ARHGEF1: variants seen among roughly 807,000 people sequenced by gnomAD.
ARHGEF1 encodes the protein 115 kDa guanine nucleotide exchange factor.
Under a neutral mutation model 119.7 loss-of-function variants are expected in ARHGEF1, and 40 were observed. That is an observed-to-expected ratio of 0.33 (90% CI 0.26 to 0.44). The LOEUF (loss-of-function observed/expected upper bound fraction) is 0.44. Among genes scored for constraint, ARHGEF1 ranks in the 20% least tolerant of loss-of-function variants. The pLI, the probability that ARHGEF1 is intolerant of heterozygous loss-of-function variation, is 1.00. For synonymous variants in ARHGEF1, 494 were observed against 521.0 expected, an observed-to-expected ratio of 0.95 and a Z score of 0.71; for missense variants, 976 against 1,268.3, an observed-to-expected ratio of 0.77 and a Z score of 3.50.
chr19:41,903,045 G>A lies in ARHGEF1; in HGVS notation c.1738+147G>A, dbSNP rs1374538931. 2 of 744,670 alleles carry A rather than the reference G, an allele frequency of 2.7e-6. No homozygotes were observed. Among genetic ancestry groups the A allele is most frequent in the Non-Finnish European group, 4.3e-6 (2 of 468,634 alleles). The allele number at this position is 744,670 out of a possible 1,614,324, so 46.1% of individuals were successfully genotyped here. A position where few individuals can be genotyped will look rare whatever the true frequency, so the allele number is the denominator to read the frequency against. On this transcript the variant is annotated intron_variant, in intron 18 of 28. Transcript: ENST00000354532. This position sits in a 1 kb window ranked among gnomAD's most constrained non-coding sequence, Gnocchi z 4.2. ...CCATCCTCCCACCTCAGCTCCCCAA[G>A]TAGCTGGGACCCCAAGGGCACACCA... is the stretch of plus-strand genomic sequence containing the variant.
intron 18 of ARHGEF1, among the ~76,000 whole-genome samples, chr19:41,914,212 CCT>C (rs1555851552): frequency 6.6e-6 from 1 of 151,428 alleles, no homozygotes; most frequent in Non-Finnish European, 1.5e-5. Flanking sequence ...TCCCAGGCCC[CCT>C]CTGTTCCCAC....
intron 1 of ARHGEF1, among the ~76,000 whole-genome samples, chr19:41,927,483 C>T (rs782206497): frequency 5.9e-5 from 9 of 152,092 alleles, no homozygotes; most frequent in Non-Finnish European, 1.3e-4. Flanking sequence ...AACTCCTATG[C>T]TGATCCCCAG....
At chr19:41,924,437 C>T (rs192829448) in intron 1 of ARHGEF1, among the ~76,000 whole-genome samples, 240 of 152,176 alleles carry the variant, frequency 1.6e-3, no homozygotes, top group African/African-American at 5.6e-3. Context: ...ACAAATGAGA[C>T]AATGGGTGTG....
chr19:41,897,405 A>G, intron 13 of ARHGEF1: 1 of 939,808 alleles, frequency 1.1e-6, no homozygotes. Flanking sequence ...CCCCATGGCC[A>G]CTCCCTCCCC....
rs1285800906 is a variant in ARHGEF1, at chr19:41,917,866, G to A, written c.1866-5226G>A. Among the ~76,000 whole-genome samples the A allele has an allele frequency of 6.6e-6, 1 of 151,730 alleles. No homozygotes were observed. Among genetic ancestry groups the A allele is most frequent in the African/African-American group, 2.4e-5 (1 of 41,228 alleles). ...CCCACCCATCTGTTGCCACACAAAC[G>A]AGCCCCCAACACCCTGTCCCATCTG... On this transcript the variant is annotated intron_variant, in intron 18 of 20. Coordinates refer to the ARHGEF1 transcript ENST00000599589. This position sits in a 1 kb window ranked among gnomAD's most constrained non-coding sequence, Gnocchi z 4.8.
In ARHGEF1 at chr19:41,906,699, C is replaced by T; in HGVS notation, c.2656-4C>T. ...CCCCTCATCCATGACCCCCACCCCACCAGGAGTTGGAGGAGGAATTTTGCC... is the reference window on the plus strand; with the variant it reads ...CCCCTCATCCATGACCCCCACCCCATCAGGAGTTGGAGGAGGAATTTTGCC... On this transcript the variant is annotated splice_region_variant and splice_polypyrimidine_tract_variant and intron_variant, in intron 27 of 28. Coordinates refer to ENST00000354532, the MANE Select transcript of ARHGEF1 (RefSeq NM_004706.4). This position sits in a 1 kb window ranked among gnomAD's most constrained non-coding sequence, Gnocchi z 4.5. The T allele has an allele frequency of 6.2e-7, 1 of 1,606,894 alleles. No homozygotes were observed. The highest frequency in any genetic ancestry group is 8.5e-7 in the Non-Finnish European group (1 of 1,176,976).
Position 41,902,559 on chromosome 19 carries a change from C to T in ARHGEF1, c.1524C>T (p.Phe508=). The T allele has an allele frequency of 1.2e-6, 2 of 1,614,174 alleles. No homozygotes were observed. The highest frequency in any genetic ancestry group is 1.7e-6 in the Non-Finnish European group (2 of 1,180,040). Residue 508 remains phenylalanine (F), a synonymous_variant, in exon 17 of 29, where the codon TTC becomes TTT. Transcript: ENST00000354532. The surrounding 1 kb of genome is among the most constrained non-coding windows in gnomAD (Gnocchi z 6.5). ...TTGATGGTGCTGAGGGCTCCTGGTT[C>T]CAGAAAATCTCCTCCCGCTTCTGCA... ...ARFDGAEGSW[F]QKISSRFCSR...
At position 41,905,040 on chromosome 19, in the gene ARHGEF1, A is replaced by AG. The variant is rs773470702; in HGVS notation, c.2249+11dup. On this transcript the variant is annotated splice_donor_region_variant and intron_variant, in intron 23 of 28. Coordinates refer to ENST00000354532, the MANE Select transcript of ARHGEF1 (RefSeq NM_004706.4). This position sits in a 1 kb window ranked among gnomAD's most constrained non-coding sequence, Gnocchi z 6.4. Reference sequence around the variant, plus strand: ...AGACTGTGTCGGAGCGGAAAAAGTGAGGGGGGGTCTGAGTTCTGAGTGTGG... The same window carrying AG: ...AGACTGTGTCGGAGCGGAAAAAGTGAGGGGGGGGTCTGAGTTCTGAGTGTGG... The AG allele has an allele frequency of 2.9e-4, 474 of 1,613,934 alleles. No homozygotes were observed. In the African/African-American group the frequency reaches 3.8e-3, roughly 13 times the overall value.
chr19:41,884,096 C>T (rs1231528246), intron 1 of ARHGEF1, among the ~76,000 whole-genome samples: 5 of 152,184 alleles, frequency 3.3e-5, no homozygotes, highest in East Asian at 1.9e-4. Flanking sequence ...CCCAGTCCGC[C>T]GTCCGAGTGC....
In ARHGEF1 at chr19:41,903,660, GCC is replaced by G; in HGVS notation, c.1840-44_1840-43del. The stretch of plus-strand genomic sequence containing the variant: ...TACCAATGTGGGTCACTGCAGGTCA[GCC>G]CCAGCACTTAGCTTGTCCCCATAAT... On this transcript the variant is annotated intron_variant, in intron 19 of 28. Coordinates refer to ENST00000354532, the MANE Select transcript of ARHGEF1 (RefSeq NM_004706.4). This position sits in a 1 kb window ranked among gnomAD's most constrained non-coding sequence, Gnocchi z 4.2. 6.3e-7 allele frequency: 1 copy of G among 1,591,262 alleles called. No homozygotes were observed.
intron 14 of ARHGEF1, chr19:41,901,031 TG>T (rs1323620034): frequency 6.6e-6 from 1 of 151,584 alleles, no homozygotes; most frequent in Non-Finnish European, 1.5e-5. Flanking sequence ...CCTCGTGATC[TG>T]CCCGCCTAAG....
At chr19:41,918,232 TAC>T (rs1568834216), upstream of ARHGEF1, among the ~76,000 whole-genome samples, 1 of 151,236 alleles carries the variant, frequency 6.6e-6, no homozygotes, top group Non-Finnish European at 1.5e-5. Context: ...ATACCACATA[TAC>T]ACACCACAAA....
rs200700112 is a variant in ARHGEF1, at chr19:41,895,373, G to A, written c.902G>A (p.Arg301Gln). 65 of 1,611,992 alleles carry A rather than the reference G, an allele frequency of 4.0e-5. No homozygotes were observed. The highest frequency in any genetic ancestry group is 1.0e-4 in the Admixed American group (6 of 59,942). ...VDAEKPGATD[R>Q]KGGVGMPSRD... ...GCCGAGAAGCCAGGTGCTACAGACC[G>A]GAAGGGAGGCGTGGGGATGCCCTCT... Residue 301 changes from arginine to glutamine, a missense_variant, in exon 12 of 29, where the codon CGG becomes CAG. By Grantham distance (43) the Arg-to-Gln change is conservative. Coordinates refer to ENST00000354532, the MANE Select transcript of ARHGEF1 (RefSeq NM_004706.4).
At chr19:41,909,928 G>C, downstream of ARHGEF1, 6 of 1,613,838 alleles carry the variant, frequency 3.7e-6, no homozygotes, top group South Asian at 4.4e-5. The surrounding 1 kb of genome is among the most constrained non-coding windows in gnomAD (Gnocchi z 5.2). Flanking sequence ...CCCACAGCCG[G>C]GCCACCTCAT....
In ARHGEF1 at chr19:41,892,256, G is replaced by C; in HGVS notation, c.325-75G>C. On this transcript the variant is annotated intron_variant, in intron 5 of 28. Coordinates refer to ENST00000354532, the MANE Select transcript of ARHGEF1 (RefSeq NM_004706.4). The surrounding 1 kb of genome is among the most constrained non-coding windows in gnomAD (Gnocchi z 6.3). Reference sequence around the variant, plus strand: ...CCCCAGCACCCTCGCTTAGACCAGGGTTCCTGGCAGTCCTCCCGGCCTGCA... The same window carrying C: ...CCCCAGCACCCTCGCTTAGACCAGGCTTCCTGGCAGTCCTCCCGGCCTGCA... 6.3e-7 allele frequency: 1 copy of C among 1,598,932 alleles called. No homozygotes were observed. Among genetic ancestry groups the C allele is most frequent in the South Asian group, 1.1e-5 (1 of 90,806 alleles).
rs2074718092 is a variant in ARHGEF1 at position 41,907,298 on chromosome 19, A to C, written c.*211A>C. The C allele has an allele frequency of 5.9e-6, 9 of 1,530,616 alleles. No individual in the cohort carries two copies. In the South Asian group the frequency reaches 1.1e-4, roughly 18 times the overall value. 94.8% of individuals were successfully genotyped at this position (1,530,616 alleles called of 1,614,324 possible). Reference sequence around the variant, plus strand: ...CTCCCTCCTGCCCTCTGCTTGGGGGACTCAGGGCTCCATTCTGGAGGGCAC... The same window carrying C: ...CTCCCTCCTGCCCTCTGCTTGGGGGCCTCAGGGCTCCATTCTGGAGGGCAC... On this transcript the variant is annotated 3_prime_UTR_variant, in exon 29 of 29. Coordinates refer to ENST00000354532, the MANE Select transcript of ARHGEF1 (RefSeq NM_004706.4).
rs2145869080 is a variant in ARHGEF1 at position 41,906,045 on chromosome 19, C to T, written c.2491+20C>T. The T allele has an allele frequency of 1.9e-6, 3 of 1,610,428 alleles. No individual in the cohort carries two copies. The highest frequency in any genetic ancestry group is 2.5e-6 in the Non-Finnish European group (3 of 1,177,422). On this transcript the variant is annotated intron_variant, in intron 26 of 28. Coordinates refer to ENST00000354532, the MANE Select transcript of ARHGEF1 (RefSeq NM_004706.4). The surrounding 1 kb of genome is among the most constrained non-coding windows in gnomAD (Gnocchi z 4.5). ...GGAAAGGTAGCCCAGCTCTGCCCCT[C>T]CAGGGTGGCCACCAGCCCAAACAGT...
Position 41,905,892 on chromosome 19 carries a change from C to T in ARHGEF1, c.2405-47C>T. 3 of 1,612,850 alleles carry T rather than the reference C, an allele frequency of 1.9e-6. No homozygotes were observed. In the East Asian group the frequency reaches 6.7e-5, roughly 36 times the overall value. On this transcript the variant is annotated intron_variant, in intron 25 of 28. Coordinates refer to ENST00000354532, the MANE Select transcript of ARHGEF1 (RefSeq NM_004706.4). The surrounding 1 kb of genome is among the most constrained non-coding windows in gnomAD (Gnocchi z 6.4). ...GCTGCCGGGTGAAGAGAGGCATCCACAGGAGGCCCGGCAGGATCTGAGCTC... is the reference window on the plus strand; with the variant it reads ...GCTGCCGGGTGAAGAGAGGCATCCATAGGAGGCCCGGCAGGATCTGAGCTC...
upstream of ARHGEF1, among the ~76,000 whole-genome samples, chr19:41,919,952 T>C (rs2145902777): frequency 7.1e-6 from 1 of 141,296 alleles, no homozygotes; most frequent in South Asian, 2.6e-4. Flanking sequence ...CGCCCAGACG[T>C]GACGAACTCA....
Sources: gnomAD v4.1 joint callset for allele counts (sites outside exome capture counted in the v4.1 genomes callset) on GRCh38, gnomAD v4.1.1 for gene constraint, Gnocchi (gnomAD v3.1) non-coding constraint, MANE v1.5 for transcripts, NCBI Gene and HGNC (gene_info 2026-07-23, HGNC 2026-07-21) for gene names.